The following GINM1 variants were observed in gnomAD, a reference collection of about 807,000 sequenced individuals.
The protein encoded by GINM1 is glycosylated integral membrane protein 1.
Under a neutral mutation model 37.8 loss-of-function variants are expected in GINM1, and 29 were observed. The ratio of observed to expected loss-of-function variants is 0.77; its 90% CI spans 0.57 to 1.05. The LOEUF (loss-of-function observed/expected upper bound fraction) is 1.05. GINM1 is among the 50% of genes least tolerant of loss of function. GINM1 has a pLI of 0.00. For missense variants in GINM1, 377 were observed against 397.9 expected (o/e 0.95, Z 0.45); for synonymous variants, 143 against 146.2 (o/e 0.98, Z 0.16).
In GINM1 at chr6:149,590,949, C is replaced by T. The variant is rs1778145868; in HGVS notation, c.*111C>T. ...ATCAGTTTATACACTAGAGAAATTG[C>T]TAAACTCTAAGACTGCCTGAAAATT... On this transcript the variant is annotated 3_prime_UTR_variant, in exon 8 of 8. Coordinates refer to ENST00000367419, the MANE Select transcript of GINM1 (RefSeq NM_138785.5). The T allele has an allele frequency of 1.6e-6, 1 of 612,544 alleles. No homozygotes were observed. Among genetic ancestry groups the T allele is most frequent in the Non-Finnish European group, 2.9e-6 (1 of 346,420 alleles). The allele number at this position is 612,544 out of a possible 1,614,324, so 37.9% of individuals were successfully genotyped here.
chr6:149,589,145 C>T (rs1778116084), intron 7 of GINM1, among the ~76,000 whole-genome samples: 1 of 150,760 alleles, frequency 6.6e-6, no homozygotes, highest in South Asian at 2.1e-4. Flanking sequence ...GACAGGGTCT[C>T]ACTATGTTGC....
chr6:149,569,964 C>T (rs1777784547), intron 1 of GINM1, among the ~76,000 whole-genome samples: 1 of 151,604 alleles, frequency 6.6e-6, no homozygotes, highest in Non-Finnish European at 1.5e-5. Flanking sequence ...ATAAATATGA[C>T]CTGGCTCTGA....
At position 149,579,854 on chromosome 6, in the gene GINM1, T is replaced by C. The variant is rs566750699; in HGVS notation, c.450T>C (p.Thr150=). 6.3e-5 allele frequency: 101 copies of C among 1,597,928 alleles called. 1 individual carries two copies. The Admixed American group carries it at 1.7e-3, about 27-fold the overall frequency. ...CACAGGTTCAGCAAAAGGATGTCAC[T>C]GAAATTGATATTTTAGTTAAGAACC... is the stretch of plus-strand genomic sequence containing the variant. ...DGKQVQQKDV[T]EIDILVKNRG... The change falls in exon 5 of 8, where the codon ACT becomes ACC. Residue 150 remains threonine, a synonymous_variant. Coordinates refer to ENST00000367419, the MANE Select transcript of GINM1 (RefSeq NM_138785.5).
At position 149,579,978 on chromosome 6, in the gene GINM1, C is replaced by A. The variant is rs1187747354; in HGVS notation, c.574C>A (p.Leu192Ile). 2 of 1,585,240 alleles carry A rather than the reference C, an allele frequency of 1.3e-6. No individual in the cohort carries two copies. Among genetic ancestry groups the A allele is most frequent in the Admixed American group, 1.9e-5 (1 of 53,260 alleles). Residue 192 changes from leucine (L) to isoleucine (I), a missense_variant, in exon 5 of 8, where the codon CTC (leucine) becomes ATC (isoleucine). By Grantham distance (5) the Leu-to-Ile change is conservative. Transcript: ENST00000367419. ...TGACATTTTATTTACCCTTCCTAAC[C>A]TCTCCAAAAAAGGTAACTTAAAAGA... ...DSDILFTLPN[L>I]SKKESVSSLQ... is the part of the protein sequence containing the mutation.
intron 6 of GINM1, chr6:149,582,031 G>C (rs1353225450): frequency 2.1e-6 from 1 of 470,788 alleles, no homozygotes; most frequent in Non-Finnish European, 4.4e-6. Context: ...TAATATGTTT[G>C]TCTTTCTCTT....
intron 1 of GINM1, among the ~76,000 whole-genome samples, chr6:149,568,318 G>A (rs1777753871): frequency 6.6e-6 from 1 of 152,242 alleles, no homozygotes; most frequent in South Asian, 2.1e-4. Flanking sequence ...TACCTGGACT[G>A]TGTCTGTGGG....
At chr6:149,585,594 A>T (rs1308642287) in intron 7 of GINM1, among the ~76,000 whole-genome samples, 1 of 151,628 alleles carries the variant, frequency 6.6e-6, no homozygotes, top group Non-Finnish European at 1.5e-5. Flanking sequence ...TTTATTTTTT[A>T]TTTATTTATT....
chr6:149,589,207 G>A (rs1778117279), intron 7 of GINM1, among the ~76,000 whole-genome samples: 1 of 151,756 alleles, frequency 6.6e-6, no homozygotes, highest in Non-Finnish European at 1.5e-5. Context: ...GCCTCCAAAG[G>A]TGCTGGGATT....
At chr6:149,573,177 C>T (rs979941412) in intron 3 of GINM1, among the ~76,000 whole-genome samples, 7 of 151,878 alleles carry the variant, frequency 4.6e-5, no homozygotes, top group South Asian at 4.2e-4. Flanking sequence ...GTGGTGTGTG[C>T]GCCTGTAATC....
intron 1 of GINM1, among the ~76,000 whole-genome samples, chr6:149,569,018 A>T (rs187542572): frequency 4.0e-5 from 6 of 149,560 alleles, no homozygotes; most frequent in Non-Finnish European, 8.9e-5. Flanking sequence ...TTTTATTTTT[A>T]TTTTTTTATT....
chr6:149,572,888 ACTC>A (rs1456691164), intron 3 of GINM1, among the ~76,000 whole-genome samples: 2 of 150,908 alleles, frequency 1.3e-5, no homozygotes, highest in African/African-American at 2.4e-5. Context: ...TCTTGATTGA[ACTC>A]CTAGCCTCAA....
In GINM1 at chr6:149,566,515, C is replaced by T. The variant is rs1183901292; in HGVS notation, c.101C>T (p.Pro34Leu). Residue 34 changes from proline to leucine, a missense_variant, in exon 1 of 8, where the codon CCG (proline) becomes CTG (leucine). Physicochemically the swap from Pro to Leu is moderately conservative, Grantham distance 98. Transcript: ENST00000367419. This position sits in a 1 kb window ranked among gnomAD's most constrained non-coding sequence, Gnocchi z 4.4. ...ACGACGGGCGCCCCCGAGCCGCCGC[C>T]GCTGTCCGGAGCCCCACAGGTAGGG... The part of the protein sequence containing the change: ...WLTTGAPEPP[P>L]LSGAPQDGIR... The T allele has an allele frequency of 1.3e-6, 2 of 1,529,800 alleles. No individual in the cohort carries two copies. The highest frequency in any genetic ancestry group is 1.7e-6 in the Non-Finnish European group (2 of 1,146,818). 94.8% of individuals were successfully genotyped at this position (1,529,800 alleles called of 1,614,324 possible).
chr6:149,588,199 GATA>G (rs1164740594), intron 7 of GINM1, among the ~76,000 whole-genome samples: 1 of 152,122 alleles, frequency 6.6e-6, no homozygotes, highest in Non-Finnish European at 1.5e-5. Flanking sequence ...ACAACCTGAT[GATA>G]ATCTTTTTTG....
intron 3 of GINM1, 44 bp downstream of exon 3, chr6:149,572,647 G>T: frequency 8.7e-7 from 1 of 1,155,238 alleles, no homozygotes; most frequent in East Asian, 2.3e-5. Context: ...TGTTTTTTGT[G>T]TGTTTGTTGT....
chr6:149,566,510 G>T lies in GINM1; in HGVS notation c.96G>T (p.Pro32=). 6.5e-7 allele frequency: 1 copy of T among 1,531,488 alleles called. No individual in the cohort carries two copies. Among genetic ancestry groups the T allele is most frequent in the Non-Finnish European group, 8.7e-7 (1 of 1,147,924 alleles). The allele number at this position is 1,531,488 out of a possible 1,614,324, so 94.9% of individuals were successfully genotyped here. A position where few individuals can be genotyped will look rare whatever the true frequency, so the allele number is the denominator to read the frequency against. Residue 32 remains proline (P), a synonymous_variant, in exon 1 of 8, where the codon CCG becomes CCT. Transcript: ENST00000367419. The surrounding 1 kb of genome is among the most constrained non-coding windows in gnomAD (Gnocchi z 4.4). The part of the protein sequence containing the change: ...SGWLTTGAPE[P]PPLSGAPQDG... The stretch of plus-strand genomic sequence containing the variant: ...GGCTGACGACGGGCGCCCCCGAGCC[G>T]CCGCCGCTGTCCGGAGCCCCACAGG...
intron 1 of GINM1, among the ~76,000 whole-genome samples, chr6:149,567,012 G>A (rs538106285): frequency 6.6e-6 from 1 of 152,360 alleles, no homozygotes; most frequent in South Asian, 2.1e-4. Context: ...GGGCTCCGCC[G>A]GGCTCAGGTG....
intron 1 of GINM1, among the ~76,000 whole-genome samples, chr6:149,568,854 A>T (rs1415543584): frequency 1.3e-5 from 2 of 151,990 alleles, no homozygotes; most frequent in African/African-American, 4.8e-5. Flanking sequence ...TTGAGACGGA[A>T]TATCTCGCTC....
intron 1 of GINM1, 61 bp from the exon 2 acceptor site, chr6:149,572,224 C>A: frequency 1.1e-6 from 1 of 923,282 alleles, no homozygotes; most frequent in Non-Finnish European, 1.7e-6. Context: ...AAAGAGAAAG[C>A]CACGTTGTTC....
intron 7 of GINM1, among the ~76,000 whole-genome samples, chr6:149,583,411 C>T (rs897419661): frequency 6.6e-6 from 1 of 152,026 alleles, no homozygotes; most frequent in African/African-American, 2.4e-5. Flanking sequence ...TGCAGTGAGC[C>T]GAGATTGCAC....
Sources: gnomAD v4.1 joint callset for allele counts (sites outside exome capture counted in the v4.1 genomes callset) on GRCh38, gnomAD v4.1.1 for gene constraint, Gnocchi (gnomAD v3.1) non-coding constraint, MANE v1.5 for transcripts, NCBI Gene and HGNC (gene_info 2026-07-23, HGNC 2026-07-21) for gene names.